Variants in INPP5A observed in about 807,000 individuals in gnomAD.
INPP5A encodes 43 kDa inositol polyphosphate 5-phophatase.
Under a neutral mutation model 65.2 loss-of-function variants are expected in INPP5A, and 14 were observed. That is an observed-to-expected ratio of 0.21 (90% confidence interval 0.14 to 0.34). The LOEUF (loss-of-function observed/expected upper bound fraction) is 0.34, where lower values mean the gene tolerates loss of function less well. Among genes scored for constraint, INPP5A ranks in the 10% least tolerant of loss-of-function variants. The probability of loss-of-function intolerance (pLI) is 1.00; values close to 1 mark genes in which losing one functional copy is unlikely to be tolerated. For synonymous variants in INPP5A, 207 were observed against 208.3 expected (o/e 0.99, Z 0.05); for missense variants, 431 against 545.6 (o/e 0.79, Z 2.09).
chr10:132,749,764 T>C lies in INPP5A; in HGVS notation c.829-7T>C, dbSNP rs767124935. ...TCAGGTGCTCATGGGCCACTCTGAC[T>C]TCACAGGTTATGCTCCAGTTAGAAA... On this transcript the variant is annotated splice_polypyrimidine_tract_variant and splice_region_variant and intron_variant, in intron 10 of 15. Coordinates refer to ENST00000368594, the MANE Select transcript of INPP5A (RefSeq NM_005539.5). The C allele has an allele frequency of 1.1e-5, 17 of 1,612,984 alleles. No individual in the cohort carries two copies. The highest frequency in any genetic ancestry group is 1.4e-5 in the Non-Finnish European group (17 of 1,179,894).
At position 132,596,935 on chromosome 10, in the gene INPP5A, G is replaced by GCATGTGTGCGTGTGTGCACA. The variant is rs1216012705; in HGVS notation, c.76-10961_76-10942dup. Among the ~76,000 whole-genome samples, 114 of 26,088 alleles carry GCATGTGTGCGTGTGTGCACA rather than the reference G, an allele frequency of 4.4e-3. No homozygotes were observed. In the Middle Eastern group the frequency reaches 0.058, roughly 13 times the overall value. 17.1% of individuals were successfully genotyped at this position (26,088 alleles called of 152,430 possible). On this transcript the variant is annotated intron_variant, in intron 1 of 15. Coordinates refer to ENST00000368594, the MANE Select transcript of INPP5A (RefSeq NM_005539.5). The stretch of plus-strand genomic sequence containing the variant: ...TGTGCATGTGTGCGCGCATGTGCAC[G>GCATGTGTGCGTGTGTGCACA]CATGTGTGCGTGTGTGCACACATGT...
chr10:132,546,310 C>T lies in INPP5A; in HGVS notation c.75+8139C>T, dbSNP rs905735093. 2.6e-5 allele frequency among the ~76,000 whole-genome samples: 4 copies of T among 152,286 alleles called. No homozygotes were observed. Among genetic ancestry groups the T allele is most frequent in the Non-Finnish European group, 5.9e-5 (4 of 68,018 alleles). Reference sequence around the variant, plus strand: ...GTGTTGGGAAAAGGCCCTCTGCTGCCGCTCCAGGTTCAGAAGATGCCGCTT... The same window carrying T: ...GTGTTGGGAAAAGGCCCTCTGCTGCTGCTCCAGGTTCAGAAGATGCCGCTT... On this transcript the variant is annotated intron_variant, in intron 1 of 15. Transcript: ENST00000368594. The surrounding 1 kb of genome is among the most constrained non-coding windows in gnomAD (Gnocchi z 5.7).
At chr10:132,735,746 C>T (rs1270333261) in intron 9 of INPP5A, among the ~76,000 whole-genome samples, 3 of 152,212 alleles carry the variant, frequency 2.0e-5, no homozygotes, top group Admixed American at 6.5e-5. Context: ...AATGGGAGGC[C>T]GGGCAGAGCC....
intron 2 of INPP5A, among the ~76,000 whole-genome samples, chr10:132,626,239 C>A (rs565718850): frequency 6.6e-6 from 1 of 152,354 alleles, no homozygotes; most frequent in Admixed American, 6.5e-5. Flanking sequence ...TCTGCGCTCC[C>A]CACTCTCCCC....
At chr10:132,604,650 G>A (rs1254966300) in intron 1 of INPP5A, among the ~76,000 whole-genome samples, 2 of 152,220 alleles carry the variant, frequency 1.3e-5, no homozygotes, top group African/African-American at 4.8e-5. Flanking sequence ...GCTGCATAGT[G>A]AAATGTCCTT....
chr10:132,586,048 C>T (rs1177419804), intron 1 of INPP5A, among the ~76,000 whole-genome samples: 4 of 152,186 alleles, frequency 2.6e-5, no homozygotes, highest in Admixed American at 6.5e-5. Context: ...CGCTTCTGTC[C>T]GGGGGCCAGT....
chr10:132,716,888 C>T (rs1005536724), intron 8 of INPP5A, among the ~76,000 whole-genome samples: 4 of 152,240 alleles, frequency 2.6e-5, no homozygotes, highest in African/African-American at 9.6e-5. Context: ...GCACGGGGCT[C>T]CCCGCACGAC....
At chr10:132,596,194 G>C (rs1469108454) in intron 1 of INPP5A, among the ~76,000 whole-genome samples, 1 of 152,192 alleles carries the variant, frequency 6.6e-6, no homozygotes, top group Admixed American at 6.5e-5. Flanking sequence ...AGTCTCTCTA[G>C]TTTGTGCCCA....
chr10:132,566,443 G>A (rs7095602), intron 1 of INPP5A, among the ~76,000 whole-genome samples: 1 of 152,172 alleles, frequency 6.6e-6, no homozygotes, highest in Non-Finnish European at 1.5e-5. Flanking sequence ...AAACAGCTGT[G>A]CAGTTGTCTT....
At position 132,711,789 on chromosome 10, in the gene INPP5A, C is replaced by T. The variant is rs184063642; in HGVS notation, c.647+1333C>T. Among the ~76,000 whole-genome samples, 601 of 152,356 alleles carry T rather than the reference C, an allele frequency of 3.9e-3. 4 individuals are homozygous for T. Among genetic ancestry groups the T allele is most frequent in the African/African-American group, 0.014 (574 of 41,576 alleles). On this transcript the variant is annotated intron_variant, in intron 8 of 15. Coordinates refer to ENST00000368594, the MANE Select transcript of INPP5A (RefSeq NM_005539.5). ...TGAGTCATTCCCAGGCCACCACTGT[C>T]CCTGGGGCAGTCACAACTGCCTGGG...
At chr10:132,777,415 T>C (rs1485060797) in intron 12 of INPP5A, among the ~76,000 whole-genome samples, 1 of 152,202 alleles carries the variant, frequency 6.6e-6, no homozygotes, top group Non-Finnish European at 1.5e-5. Context: ...CAACAGACAA[T>C]TTCATGCAGT....
Position 132,555,531 on chromosome 10 carries a change from C to T in INPP5A, c.75+17360C>T, listed in dbSNP as rs556076523. Among the ~76,000 whole-genome samples, 1 of 152,174 alleles carries T rather than the reference C, an allele frequency of 6.6e-6. No individual in the cohort carries two copies. Among genetic ancestry groups the T allele is most frequent in the East Asian group, 1.9e-4 (1 of 5,170 alleles). On this transcript the variant is annotated intron_variant, in intron 1 of 15. Coordinates refer to ENST00000368594, the MANE Select transcript of INPP5A (RefSeq NM_005539.5). The surrounding 1 kb of genome is among the most constrained non-coding windows in gnomAD (Gnocchi z 4.4). ...CGTTGGTGTGTGCTCACAAAGTGCA[C>T]GGGGTGACCAGGAGCCTCTGGACAG...
intron 1 of INPP5A, among the ~76,000 whole-genome samples, chr10:132,543,478 G>A (rs2070932638): frequency 6.6e-6 from 1 of 152,180 alleles, no homozygotes; most frequent in Non-Finnish European, 1.5e-5. Flanking sequence ...ATGCAATGGT[G>A]TGATCGCAGC....
chr10:132,649,568 G>A (rs919766955), intron 3 of INPP5A, among the ~76,000 whole-genome samples: 10 of 152,210 alleles, frequency 6.6e-5, no homozygotes, highest in African/African-American at 2.2e-4. Flanking sequence ...GGCATTCTTT[G>A]CCTTGCCCTT....
In INPP5A at chr10:132,550,557, T is replaced by C. The variant is rs2071036916; in HGVS notation, c.75+12386T>C. Among the ~76,000 whole-genome samples the C allele has an allele frequency of 6.6e-6, 1 of 152,222 alleles. No homozygotes were observed. Among genetic ancestry groups the C allele is most frequent in the Non-Finnish European group, 1.5e-5 (1 of 68,034 alleles). ...CCGGCAGCTGTGTCCCTTGACGTGCTGAGAGGGCCTGGCTGTGAGCCGCAT... is the reference window on the plus strand; with the variant it reads ...CCGGCAGCTGTGTCCCTTGACGTGCCGAGAGGGCCTGGCTGTGAGCCGCAT... On this transcript the variant is annotated intron_variant, in intron 1 of 15. Transcript: ENST00000368594. This position sits in a 1 kb window ranked among gnomAD's most constrained non-coding sequence, Gnocchi z 4.2.
intron 4 of INPP5A, among the ~76,000 whole-genome samples, chr10:132,684,389 G>T (rs552129348): frequency 7.2e-5 from 11 of 152,266 alleles, no homozygotes; most frequent in Non-Finnish European, 1.6e-4. Flanking sequence ...ATGTCTACAG[G>T]TGTATGCATG....
chr10:132,746,843 G>T (rs1006284039), intron 9 of INPP5A, among the ~76,000 whole-genome samples: 4 of 152,218 alleles, frequency 2.6e-5, no homozygotes, highest in Middle Eastern at 3.2e-3. Context: ...GCCACTTTCC[G>T]CATGAGTGGC....
intron 4 of INPP5A, among the ~76,000 whole-genome samples, chr10:132,669,124 G>A (rs1046795169): frequency 1.3e-5 from 2 of 152,078 alleles, no homozygotes; most frequent in Non-Finnish European, 2.9e-5. Flanking sequence ...GTGGTGGTGG[G>A]CGCCTGTAGT....
chr10:132,613,467 G>A (rs2071986631), intron 2 of INPP5A, among the ~76,000 whole-genome samples: 1 of 152,228 alleles, frequency 6.6e-6, no homozygotes, highest in African/African-American at 2.4e-5. Flanking sequence ...AGAGTCATTT[G>A]TAAAGAAAAA....
Sources: allele counts gnomAD v4.1 joint callset (sites outside exome capture counted in the v4.1 genomes callset), GRCh38; gene constraint gnomAD v4.1.1; non-coding constraint Gnocchi (gnomAD v3.1); transcripts MANE v1.5; gene names NCBI Gene and HGNC (gene_info 2026-07-23, HGNC 2026-07-21).